The following DOCK1 variants were observed in gnomAD, a reference collection of about 807,000 sequenced individuals.
DOCK1 encodes the protein dedicator of cytokinesis 1.
Under a neutral mutation model 262.7 loss-of-function variants are expected in DOCK1, and 138 were observed. That is an observed-to-expected ratio of 0.53 (90% confidence interval 0.46 to 0.61). The LOEUF is 0.61. DOCK1 is among the 20% of genes least tolerant of loss of function. The pLI is 0.00. For synonymous variants in DOCK1, 866 were observed against 867.4 expected, an observed-to-expected ratio of 1.00 and a Z score of 0.03; for missense variants, 1,908 against 2,370.7, an observed-to-expected ratio of 0.80 and a Z score of 4.05.
chr10:127,168,570 C>T (rs1324154589), intron 27 of DOCK1, among the ~76,000 whole-genome samples: 1 of 152,190 alleles, frequency 6.6e-6, no homozygotes, highest in African/African-American at 2.4e-5. Context: ...TGTCTAATGT[C>T]ACCCACCTCC....
intron 29 of DOCK1, among the ~76,000 whole-genome samples, chr10:127,330,475 C>T (rs2062927658): frequency 6.6e-6 from 1 of 151,682 alleles, no homozygotes; most frequent in South Asian, 2.1e-4. Flanking sequence ...CCCTTGTGTA[C>T]TGTTGCTGGG....
intron 23 of DOCK1, among the ~76,000 whole-genome samples, chr10:127,075,602 T>C (rs1287458596): frequency 6.6e-6 from 1 of 152,106 alleles, no homozygotes; most frequent in Non-Finnish European, 1.5e-5. Flanking sequence ...TCAGGAAACT[T>C]ACAGTCATGG....
chr10:127,106,149 G>T, intron 23 of DOCK1, 82 bp from the exon 24 acceptor site: 1 of 1,376,256 alleles, frequency 7.3e-7, no homozygotes, highest in East Asian at 2.6e-5. Context: ...TATTTCTGCG[G>T]TTCTTCTCAT....
chr10:127,010,153 G>C (rs2041320286), intron 11 of DOCK1, among the ~76,000 whole-genome samples: 1 of 152,160 alleles, frequency 6.6e-6, no homozygotes, highest in Non-Finnish European at 1.5e-5. Flanking sequence ...GTAACCATTA[G>C]CTCCATGTGG....
chr10:127,106,514 T>C (rs766598695), intron 24 of DOCK1, among the ~76,000 whole-genome samples: 3 of 152,196 alleles, frequency 2.0e-5, no homozygotes, highest in Admixed American at 6.6e-5. Context: ...TATGACAACA[T>C]TTTTTAAGAA....
Position 127,413,976 on chromosome 10 carries a change from A to G in DOCK1, c.4429-1176A>G, listed in dbSNP as rs182947190. On this transcript the variant is annotated intron_variant, in intron 43 of 51. Transcript: ENST00000623213. ...GCCTAGGCTGAAGTGCAGTGGTGTA[A>G]TGTCAGCTCCCTGCAACCTCCGCCT... Among the ~76,000 whole-genome samples the G allele has an allele frequency of 4.6e-5, 7 of 151,940 alleles. No individual in the cohort carries two copies. The East Asian group carries it at 1.4e-3, about 29-fold the overall frequency.
chr10:127,018,512 A>G lies in DOCK1; in HGVS notation c.1202-198A>G, dbSNP rs2042177640. The G allele has an allele frequency of 8.5e-6, 6 of 704,180 alleles. No individual in the cohort carries two copies. In the South Asian group the frequency reaches 1.1e-4, roughly 13 times the overall value. The allele number at this position is 704,180 out of a possible 1,614,324, so 43.6% of individuals were successfully genotyped here. A position where few individuals can be genotyped will look rare whatever the true frequency, so the allele number is the denominator to read the frequency against. On this transcript the variant is annotated intron_variant, in intron 12 of 51. Transcript: ENST00000623213. ...TGAGTCACCCTAGGGCAGGGCTGGCATCCCAGCTCGTTGGATGCATGGAGT... is the reference window on the plus strand; with the variant it reads ...TGAGTCACCCTAGGGCAGGGCTGGCGTCCCAGCTCGTTGGATGCATGGAGT...
At chr10:127,231,597 T>G (rs2058844359) in intron 27 of DOCK1, among the ~76,000 whole-genome samples, 1 of 152,096 alleles carries the variant, frequency 6.6e-6, no homozygotes, top group South Asian at 2.1e-4. Flanking sequence ...ACACATTTCT[T>G]TGGAAGAGTG....
intron 35 of DOCK1, among the ~76,000 whole-genome samples, chr10:127,378,002 A>G (rs951886634): frequency 1.3e-5 from 2 of 152,100 alleles, no homozygotes; most frequent in African/African-American, 4.8e-5. Context: ...GTCTGCATGT[A>G]TGTTGGAACT....
In DOCK1 at chr10:127,207,002, CT is replaced by C. The variant is rs2057753663; in HGVS notation, c.2848-41002del. On this transcript the variant is annotated intron_variant, in intron 27 of 51. Coordinates refer to ENST00000623213, the MANE Select transcript of DOCK1 (RefSeq NM_001290223.2). ...CCTATTAAGTATTTTACTTCTAATG[CT>C]TTTGAGTTTTTTCTTGGCAGTGGAG... Among the ~76,000 whole-genome samples the C allele has an allele frequency of 2.6e-5, 4 of 152,180 alleles. No homozygotes were observed. In the East Asian group the frequency reaches 7.7e-4, roughly 29 times the overall value.
At chr10:127,075,728 A>C (rs910168330) in intron 23 of DOCK1, among the ~76,000 whole-genome samples, 1 of 152,098 alleles carries the variant, frequency 6.6e-6, no homozygotes, top group African/African-American at 2.4e-5. Flanking sequence ...TGTCATGAGA[A>C]CGGCAAGGGG....
chr10:127,083,156 C>T (rs2047003486), intron 23 of DOCK1, among the ~76,000 whole-genome samples: 1 of 152,238 alleles, frequency 6.6e-6, no homozygotes, highest in Non-Finnish European at 1.5e-5. Flanking sequence ...TCTGTCTTCT[C>T]TAGCAGGGCA....
chr10:127,420,929 G>GTTTA (rs2068470462), intron 46 of DOCK1, among the ~76,000 whole-genome samples: 1 of 151,168 alleles, frequency 6.6e-6, no homozygotes. Flanking sequence ...TTGTTTGTTT[G>GTTTA]TTTTGGAGGT....
intron 33 of DOCK1, among the ~76,000 whole-genome samples, chr10:127,363,741 G>T (rs79037071): frequency 0.048 from 7,342 of 152,182 alleles, 526 homozygotes; most frequent in African/African-American, 0.16. Context: ...CATGAAGGCG[G>T]TATCCACGAA....
intron 28 of DOCK1, among the ~76,000 whole-genome samples, chr10:127,249,564 G>A (rs1356388458): frequency 6.6e-6 from 1 of 152,124 alleles, no homozygotes; most frequent in Non-Finnish European, 1.5e-5. Flanking sequence ...CTGGATGGTG[G>A]AGCCTGCTAC....
chr10:127,417,972 C>T (rs1227359299), intron 44 of DOCK1, among the ~76,000 whole-genome samples: 4 of 151,980 alleles, frequency 2.6e-5, no homozygotes, highest in East Asian at 1.9e-4. Flanking sequence ...GCAGGCTGCC[C>T]GGGCTTAGAT....
At chr10:127,448,679 C>A (rs137985058) in intron 51 of DOCK1, among the ~76,000 whole-genome samples, 665 of 152,274 alleles carry the variant, frequency 4.4e-3, no homozygotes, top group Non-Finnish European at 6.5e-3. Flanking sequence ...ATGTGGACAG[C>A]TGGCCGTATT....
At chr10:127,443,645 A>G (rs2070337764) in intron 49 of DOCK1, among the ~76,000 whole-genome samples, 1 of 152,086 alleles carries the variant, frequency 6.6e-6, no homozygotes, top group Non-Finnish European at 1.5e-5. Context: ...CCGCCACCCC[A>G]AGAAGGTCAT....
intron 49 of DOCK1, among the ~76,000 whole-genome samples, chr10:127,442,131 GT>G (rs768513492): frequency 3.3e-5 from 5 of 152,316 alleles, no homozygotes; most frequent in Admixed American, 1.3e-4. Flanking sequence ...GCACAGGACA[GT>G]TCTGGAAATA....
Sources: gnomAD v4.1 joint callset for allele counts (sites outside exome capture counted in the v4.1 genomes callset) on GRCh38, gnomAD v4.1.1 for gene constraint, MANE v1.5 for transcripts, NCBI Gene and HGNC (gene_info 2026-07-23, HGNC 2026-07-21) for gene names.